TIAM2: variants seen among roughly 807,000 people sequenced by gnomAD.
TIAM2 encodes TIAM Rac1 associated GEF 2.
TIAM2 carries 80 observed loss-of-function variants against 152.9 expected under a neutral mutation model. That is an observed-to-expected ratio of 0.52 (90% confidence interval 0.44 to 0.63). The LOEUF (loss-of-function observed/expected upper bound fraction) is 0.63. Ranked by LOEUF, TIAM2 falls within the 30% of genes least tolerant of loss-of-function variation. TIAM2 has a pLI of 0.00. For missense variants in TIAM2, 1,965 were observed against 2,120.1 expected (o/e 0.93, Z 1.44); for synonymous variants, 804 against 838.0 (o/e 0.96, Z 0.70).
At position 155,068,703 on chromosome 6, in the gene TIAM2, C is replaced by T. The variant is rs547779496; in HGVS notation, c.-208-21586C>T. On this transcript the variant is annotated intron_variant, in intron 1 of 26. Transcript: ENST00000682666. ...AACTCCTGACCTCAGGTGATCCGTC[C>T]GCCTCGGCCTCCCAGAGTGCTGGTA... Among the ~76,000 whole-genome samples the T allele has an allele frequency of 4.6e-5, 7 of 151,840 alleles. No individual in the cohort carries two copies. In the South Asian group the frequency reaches 6.2e-4, roughly 14 times the overall value.
chr6:155,049,267 A>G lies in TIAM2; in HGVS notation c.-208-41022A>G, dbSNP rs1025421138. On this transcript the variant is annotated intron_variant, in intron 1 of 26. Coordinates refer to ENST00000682666, the MANE Select transcript of TIAM2 (RefSeq NM_012454.4). ...ATGGATGCGGAGCACAGTGAGAGCC[A>G]TTGCTGCTTGTCACCTTCCTGGGTG... is the stretch of plus-strand genomic sequence containing the variant. Among the ~76,000 whole-genome samples, 8 of 152,198 alleles carry G rather than the reference A, an allele frequency of 5.3e-5. No homozygotes were observed. In the South Asian group the frequency reaches 1.7e-3, roughly 32 times the overall value.
At chr6:155,126,701 C>T (rs575448016) in intron 2 of TIAM2, among the ~76,000 whole-genome samples, 40 of 151,648 alleles carry the variant, frequency 2.6e-4, no homozygotes, top group Non-Finnish European at 4.7e-4. Context: ...ACTGCACTCC[C>T]GCCTGGGCAA....
chr6:155,038,953 CTT>C (rs33971396), intron 1 of TIAM2, among the ~76,000 whole-genome samples: 3,675 of 64,282 alleles, frequency 0.057, 136 homozygotes, highest in African/African-American at 0.15. Context: ...TGAGCATGTC[CTT>C]TTTTTTTTTT....
rs944177816 is a variant in TIAM2 at position 155,182,297 on chromosome 6, G to C, written c.2779G>C (p.Asp927His). ...GATATTTATAAGCGACGTTCTTCCCGATGGCCTGGCGTATGGGGAAGGTCC... is the reference window on the plus strand; with the variant it reads ...GATATTTATAAGCGACGTTCTTCCCCATGGCCTGGCGTATGGGGAAGGTCC... ...SRIFISDVLP[D>H]GLAYGEGLRK... Residue 927 changes from aspartate to histidine, a missense_variant, in exon 13 of 27, where the codon GAT becomes CAT. Asp to His is a moderately conservative substitution (Grantham distance 81). Coordinates refer to ENST00000682666, the MANE Select transcript of TIAM2 (RefSeq NM_012454.4). 6.2e-7 allele frequency: 1 copy of C among 1,614,142 alleles called. No homozygotes were observed.
chr6:155,256,638 C>CAAGA lies in TIAM2; in HGVS notation c.4624_4627dup (p.Ser1543LysfsTer25), dbSNP rs1562379188. The CAAGA allele has an allele frequency of 6.2e-7, 1 of 1,614,176 alleles. No homozygotes were observed. The highest frequency in any genetic ancestry group is 1.7e-5 in the Admixed American group (1 of 60,026). On this transcript the variant is annotated frameshift_variant, in exon 27 of 27. Coordinates refer to ENST00000682666, the MANE Select transcript of TIAM2 (RefSeq NM_012454.4). LOFTEE classifies it low-confidence loss of function (END_TRUNC). The stretch of plus-strand genomic sequence containing the variant: ...CCACGGCTGAGGGCAGGCAGGACTC[C>CAAGA]AAGAGCACTTCTCCCGGGAAATACC...
intron 4 of TIAM2, among the ~76,000 whole-genome samples, chr6:155,130,954 G>GTTAA (rs34428890): frequency 0.2 from 30,070 of 152,088 alleles, 3,203 homozygotes; most frequent in South Asian, 0.42. Context: ...TCCACTGGTA[G>GTTAA]TTAAGGCCTC....
At chr6:155,252,058 A>G (rs1783695610) in intron 23 of TIAM2, 55 bp downstream of exon 23, 2 of 1,430,004 alleles carry the variant, frequency 1.4e-6, no homozygotes, top group Non-Finnish European at 1.9e-6. Flanking sequence ...GTATCTTCCT[A>G]TTAACGTTGA....
chr6:155,035,850 GC>G (rs1331325875), intron 1 of TIAM2, among the ~76,000 whole-genome samples: 1 of 152,160 alleles, frequency 6.6e-6, no homozygotes, highest in African/African-American at 2.4e-5. Context: ...GATGTAAATG[GC>G]CCTTGGAAGG....
chr6:155,017,797 C>T (rs1778622481), intron 1 of TIAM2, among the ~76,000 whole-genome samples: 1 of 152,130 alleles, frequency 6.6e-6, no homozygotes, highest in Non-Finnish European at 1.5e-5. Context: ...GCCACCACGC[C>T]TGACTCTCCC....
intron 1 of TIAM2, among the ~76,000 whole-genome samples, chr6:155,042,954 ATAG>A (rs1455596255): frequency 9.9e-5 from 15 of 152,082 alleles, no homozygotes; most frequent in Admixed American, 2.6e-4. Flanking sequence ...TACTTATATA[ATAG>A]TAGTAGTAAT....
chr6:155,077,224 C>A (rs1583179115), intron 1 of TIAM2, among the ~76,000 whole-genome samples: 1 of 151,218 alleles, frequency 6.6e-6, no homozygotes, highest in South Asian at 2.1e-4. Context: ...TAGGCTTAGC[C>A]TTAGGCTCAG....
intron 15 of TIAM2, 105 bp downstream of exon 15, chr6:155,211,412 C>A: frequency 1.3e-6 from 1 of 798,764 alleles, no homozygotes; most frequent in Non-Finnish European, 2.0e-6. Flanking sequence ...ATCTCTAGGT[C>A]CAGCAGTTGA....
intron 15 of TIAM2, among the ~76,000 whole-genome samples, chr6:155,226,282 A>G (rs980839421): frequency 6.6e-6 from 1 of 152,218 alleles, no homozygotes; most frequent in African/African-American, 2.4e-5. Context: ...CTAATGTACC[A>G]GTGGGGAATG....
chr6:155,210,627 A>G (rs779951185), intron 14 of TIAM2, among the ~76,000 whole-genome samples: 4 of 152,192 alleles, frequency 2.6e-5, no homozygotes, highest in Non-Finnish European at 5.9e-5. Flanking sequence ...ATGAGCCACC[A>G]CACCTGGCCC....
At chr6:155,253,877 C>T (rs1715134443) in intron 24 of TIAM2, 96 bp from the exon 25 acceptor site, 2 of 888,078 alleles carry the variant, frequency 2.3e-6, no homozygotes, top group South Asian at 3.6e-5. Flanking sequence ...GAATATTAGA[C>T]TTTCTTAACT....
intron 1 of TIAM2, among the ~76,000 whole-genome samples, chr6:155,045,869 G>GGTT (rs1777163480): frequency 1.8e-5 from 1 of 54,756 alleles, no homozygotes; most frequent in Non-Finnish European, 3.7e-5. Context: ...TTTGGTTTTT[G>GGTT]TTTGTTTGTT....
intron 15 of TIAM2, among the ~76,000 whole-genome samples, chr6:155,236,962 C>A (rs544661377): frequency 4.8e-4 from 73 of 152,316 alleles, no homozygotes; most frequent in African/African-American, 1.7e-3. Flanking sequence ...ATTTGAAAAC[C>A]AATCATGCCT....
intron 1 of TIAM2, among the ~76,000 whole-genome samples, chr6:154,997,872 A>C (rs1270359969): frequency 6.6e-6 from 1 of 152,002 alleles, no homozygotes; most frequent in Non-Finnish European, 1.5e-5. Flanking sequence ...ACCTGAGCTC[A>C]AGTGATCCAC....
chr6:155,164,724 G>A (rs1780374486), intron 8 of TIAM2, 124 bp downstream of exon 8: 3 of 1,221,372 alleles, frequency 2.5e-6, no homozygotes, highest in Non-Finnish European at 3.4e-6. Context: ...CTAGAGGCCA[G>A]GTCACCCAGA....
Sources: gnomAD v4.1 joint callset for allele counts (sites outside exome capture counted in the v4.1 genomes callset) on GRCh38, gnomAD v4.1.1 for gene constraint, MANE v1.5 for transcripts, NCBI Gene and HGNC (gene_info 2026-07-23, HGNC 2026-07-21) for gene names.